Variants in GALNT13 observed in about 807,000 individuals in gnomAD.
GALNT13 encodes the protein UDP-GalNAc:polypeptide N-acetylgalactosaminyltransferase 13.
GALNT13 carries 28 observed loss-of-function variants against 64.2 expected under a neutral mutation model. That is an observed-to-expected ratio of 0.44 (90% CI 0.32 to 0.60). The LOEUF is 0.60. Among genes scored for constraint, GALNT13 ranks in the 20% least tolerant of loss-of-function variants. The probability of loss-of-function intolerance (pLI) is 0.05; values close to 1 mark genes in which losing one functional copy is unlikely to be tolerated. For missense variants in GALNT13, 577 were observed against 669.8 expected (o/e 0.86, Z 1.53); for synonymous variants, 214 against 224.6 (o/e 0.95, Z 0.42).
the GALNT13 span, among the ~76,000 whole-genome samples, chr2:153,225,714 A>T: frequency 1.3e-5 from 2 of 152,178 alleles, no homozygotes; most frequent in Non-Finnish European, 2.9e-5. Context: ...TTTAAAAATA[A>T]AAAAATTAAT....
chr2:153,085,442 C>G, the GALNT13 span, among the ~76,000 whole-genome samples: 2 of 152,064 alleles, frequency 1.3e-5, no homozygotes, highest in African/African-American at 4.8e-5. Flanking sequence ...TGTGGGCCAG[C>G]CCCCAGGGCT....
intron 4 of GALNT13, among the ~76,000 whole-genome samples, chr2:154,202,429 C>A (rs569165647): frequency 1.3e-5 from 2 of 152,138 alleles, no homozygotes; most frequent in Admixed American, 6.6e-5. Flanking sequence ...ATGGAGGTAG[C>A]ATTTTTTAAG....
the GALNT13 span, among the ~76,000 whole-genome samples, chr2:153,430,144 T>C: frequency 1.3e-5 from 2 of 152,164 alleles, no homozygotes; most frequent in African/African-American, 4.8e-5. Flanking sequence ...TGTGTAATTA[T>C]ATACAGAGAT....
the GALNT13 span, among the ~76,000 whole-genome samples, chr2:153,157,964 C>G: frequency 1.3e-5 from 2 of 151,486 alleles, no homozygotes; most frequent in African/African-American, 4.9e-5. Flanking sequence ...TCCCCTGGAA[C>G]AGAAAGTTCA....
chr2:154,076,635 T>TGG, intron 3 of GALNT13, among the ~76,000 whole-genome samples: 1 of 151,804 alleles, frequency 6.6e-6, no homozygotes, highest in East Asian at 1.9e-4. Context: ...TAGAAATTAT[T>TGG]GTCCAAAGTT....
At chr2:153,584,457 C>T in the GALNT13 span, among the ~76,000 whole-genome samples, 3 of 152,194 alleles carry the variant, frequency 2.0e-5, no homozygotes, top group African/African-American at 7.2e-5. Context: ...TCTACTGGCC[C>T]ACACAGCCAC....
chr2:153,811,545 A>T, the GALNT13 span, among the ~76,000 whole-genome samples: 1 of 152,262 alleles, frequency 6.6e-6, no homozygotes, highest in South Asian at 2.1e-4. Context: ...TATTAACTGT[A>T]CTCAATTTCT....
At chr2:154,071,676 A>C (rs558394579) in intron 3 of GALNT13, among the ~76,000 whole-genome samples, 1 of 152,118 alleles carries the variant, frequency 6.6e-6, no homozygotes, top group Admixed American at 6.6e-5. Flanking sequence ...ACATTGAAAA[A>C]TGTGAATTGT....
the GALNT13 span, among the ~76,000 whole-genome samples, chr2:153,128,100 C>G: frequency 6.6e-6 from 1 of 152,172 alleles, no homozygotes; most frequent in African/African-American, 2.4e-5. Context: ...ATTCAAAGAT[C>G]ATGATCTCTA....
chr2:154,276,922 G>A (rs1691681486), intron 8 of GALNT13, among the ~76,000 whole-genome samples: 1 of 152,152 alleles, frequency 6.6e-6, no homozygotes, highest in African/African-American at 2.4e-5. Flanking sequence ...TCCACCATGA[G>A]TGTACATTTC....
At chr2:154,072,452 G>T (rs577213825) in intron 3 of GALNT13, among the ~76,000 whole-genome samples, 1 of 152,160 alleles carries the variant, frequency 6.6e-6, no homozygotes, top group African/African-American at 2.4e-5. Context: ...TGATCAAAGA[G>T]ACTGGAGCTA....
At chr2:154,299,166 AAAGAT>A (rs1444816415) in intron 8 of GALNT13, among the ~76,000 whole-genome samples, 1 of 149,938 alleles carries the variant, frequency 6.7e-6, no homozygotes, top group African/African-American at 2.4e-5. Flanking sequence ...AAGCTATTTG[AAAGAT>A]AGACGACTTT....
At chr2:154,144,515 A>G (rs965063864) in intron 4 of GALNT13, among the ~76,000 whole-genome samples, 102 of 152,184 alleles carry the variant, frequency 6.7e-4, no homozygotes, top group Non-Finnish European at 6.0e-4. Context: ...AGCTGAATTT[A>G]TTTTAGTGGA....
At chr2:154,355,615 C>G (rs1696695860) in intron 9 of GALNT13, among the ~76,000 whole-genome samples, 1 of 152,010 alleles carries the variant, frequency 6.6e-6, no homozygotes, top group Admixed American at 6.6e-5. Flanking sequence ...GTAAGTCATT[C>G]ATTATCATTA....
chr2:153,403,668 T>A, the GALNT13 span, among the ~76,000 whole-genome samples: 681 of 152,328 alleles, frequency 4.5e-3, 7 homozygotes, highest in African/African-American at 0.015. Flanking sequence ...AGCACAGTAT[T>A]CGGGTGGGAG....
intron 2 of GALNT13, among the ~76,000 whole-genome samples, chr2:153,935,013 T>A (rs1574149435): frequency 6.6e-6 from 1 of 152,276 alleles, no homozygotes; most frequent in East Asian, 1.9e-4. Flanking sequence ...TGACAGTGGC[T>A]GGGGTCAGAT....
At chr2:153,119,685 C>G in the GALNT13 span, among the ~76,000 whole-genome samples, 1 of 152,284 alleles carries the variant, frequency 6.6e-6, no homozygotes, top group East Asian at 1.9e-4. Context: ...ATGCGCATGC[C>G]AGGTTAGAAG....
chr2:153,346,708 A>C, the GALNT13 span, among the ~76,000 whole-genome samples: 1 of 152,210 alleles, frequency 6.6e-6, no homozygotes, highest in Non-Finnish European at 1.5e-5. Flanking sequence ...AGTATATGAA[A>C]TCAAAGCATG....
intron 3 of GALNT13, among the ~76,000 whole-genome samples, chr2:154,048,479 G>A (rs953447302): frequency 3.9e-5 from 6 of 152,068 alleles, no homozygotes; most frequent in East Asian, 1.9e-4. Context: ...ACATGAGCTC[G>A]ATTTATTTTG....
Sources: allele counts gnomAD v4.1 joint callset (sites outside exome capture counted in the v4.1 genomes callset), GRCh38; gene constraint gnomAD v4.1.1; transcripts MANE v1.5; gene names NCBI Gene and HGNC (gene_info 2026-07-23, HGNC 2026-07-21).